Variants in PTPRD observed in about 807,000 individuals in gnomAD.
The protein encoded by PTPRD is receptor-type tyrosine-protein phosphatase delta.
In PTPRD, 34 loss-of-function variants were observed where a neutral mutation model predicts 214.5. That is an observed-to-expected ratio of 0.16 (90% CI 0.12 to 0.21). PTPRD has a LOEUF of 0.21. Among genes scored for constraint, PTPRD ranks in the 10% least tolerant of loss-of-function variants. The probability of loss-of-function intolerance (pLI) is 1.00; values close to 1 mark genes in which losing one functional copy is unlikely to be tolerated. For missense variants in PTPRD, 2,545 were observed against 2,398.7 expected (o/e 1.06, Z -1.27); for synonymous variants, 1,128 against 845.7 (o/e 1.33, Z -5.79).
At chr9:9,205,377 C>T (rs1569562049) in intron 9 of PTPRD, among the ~76,000 whole-genome samples, 1 of 152,118 alleles carries the variant, frequency 6.6e-6, no homozygotes, top group Non-Finnish European at 1.5e-5. Flanking sequence ...ACTTCATATT[C>T]TTGATGAGCA....
In PTPRD at chr9:9,977,414, A is replaced by C. The variant is rs142731736; in HGVS notation, c.-471-38804T>G. 2.8e-3 allele frequency among the ~76,000 whole-genome samples: 434 copies of C among 152,344 alleles called. 1 individual carries two copies. The highest frequency in any genetic ancestry group is 9.4e-3 in the African/African-American group (392 of 41,586). ...TTCTGAAGGAGGAGAGCCTAGATGC[A>C]TGCATGAAGCATAGAGTTTTGTACT... is the stretch of plus-strand genomic sequence containing the variant. On this transcript the variant is annotated intron_variant, in intron 4 of 45. Transcript: ENST00000381196.
chr9:8,419,708 A>G (rs998778620), intron 35 of PTPRD, among the ~76,000 whole-genome samples: 2 of 152,050 alleles, frequency 1.3e-5, no homozygotes, highest in South Asian at 2.1e-4. Flanking sequence ...AAATTATAAA[A>G]CAAAATACTA....
chr9:8,805,982 G>A (rs1206327847), intron 11 of PTPRD, among the ~76,000 whole-genome samples: 2 of 133,458 alleles, frequency 1.5e-5, no homozygotes, highest in East Asian at 2.5e-4. Context: ...GCTACAGAAC[G>A]AGACTCCGTC....
chr9:8,375,322 C>G (rs1284487857), intron 39 of PTPRD, among the ~76,000 whole-genome samples: 1 of 151,904 alleles, frequency 6.6e-6, no homozygotes. Context: ...AAAATACAAA[C>G]TATACATTTC....
intron 2 of PTPRD, among the ~76,000 whole-genome samples, chr9:10,554,982 G>T (rs570434214): frequency 6.6e-6 from 1 of 152,126 alleles, no homozygotes; most frequent in Non-Finnish European, 1.5e-5. Flanking sequence ...AGATCATGAT[G>T]TCTACCATTT....
intron 3 of PTPRD, among the ~76,000 whole-genome samples, chr9:10,302,587 A>G (rs925146501): frequency 6.6e-6 from 1 of 152,226 alleles, no homozygotes; most frequent in African/African-American, 2.4e-5. Flanking sequence ...AAGCAAATAG[A>G]AAGCAAAAAT....
At chr9:9,132,279 G>T (rs1283413675) in intron 10 of PTPRD, among the ~76,000 whole-genome samples, 1 of 152,172 alleles carries the variant, frequency 6.6e-6, no homozygotes, top group Non-Finnish European at 1.5e-5. Flanking sequence ...AAATTGCTGG[G>T]ATTACAGGCG....
chr9:10,511,570 T>TTTTTTTTTC (rs2048038730), intron 2 of PTPRD, among the ~76,000 whole-genome samples: 1 of 30,700 alleles, frequency 3.3e-5, no homozygotes, highest in Non-Finnish European at 9.5e-5. Context: ...CACCCTGGTA[T>TTTTTTTTTC]TTTTTTTTTT....
intron 11 of PTPRD, among the ~76,000 whole-genome samples, chr9:8,876,662 G>T (rs1449264513): frequency 6.6e-6 from 1 of 152,128 alleles, no homozygotes; most frequent in Non-Finnish European, 1.5e-5. Flanking sequence ...TTAAATCTAG[G>T]AAATTTAATT....
chr9:10,184,715 T>C (rs2099320802), intron 3 of PTPRD, among the ~76,000 whole-genome samples: 1 of 152,200 alleles, frequency 6.6e-6, no homozygotes, highest in Admixed American at 6.5e-5. Flanking sequence ...CTTCTTCTGG[T>C]TTATAAAATA....
chr9:8,690,782 T>C (rs59461546), intron 12 of PTPRD, among the ~76,000 whole-genome samples: 40,712 of 151,954 alleles, frequency 0.27, 6,091 homozygotes, highest in African/African-American at 0.39. Flanking sequence ...AAGAAAACTC[T>C]TTTAGCAACT....
At chr9:8,476,601 A>G (rs891940097) in intron 30 of PTPRD, among the ~76,000 whole-genome samples, 2 of 152,050 alleles carry the variant, frequency 1.3e-5, no homozygotes, top group African/African-American at 2.4e-5. Flanking sequence ...TTTTTTTTAA[A>G]CCTATTACCC....
intron 2 of PTPRD, among the ~76,000 whole-genome samples, chr9:10,345,501 T>G (rs1238239809): frequency 6.7e-6 from 1 of 150,042 alleles, no homozygotes; most frequent in South Asian, 2.1e-4. Flanking sequence ...CACTTATGAG[T>G]GAGAACATGC....
chr9:8,525,217 A>T (rs1270728384), intron 17 of PTPRD, 182 bp from the exon 18 acceptor site: 10 of 621,310 alleles, frequency 1.6e-5, no homozygotes, highest in Non-Finnish European at 2.6e-5. Flanking sequence ...TATAGAGATT[A>T]TTTTTTTTTT....
intron 5 of PTPRD, among the ~76,000 whole-genome samples, chr9:9,895,583 C>G (rs7874066): frequency 0.91 from 137,848 of 152,064 alleles, 62,754 homozygotes; most frequent in East Asian, 1. Flanking sequence ...CCAGAATCCA[C>G]GATGGTTACA....
At chr9:8,575,584 AC>A (rs2092218092) in intron 14 of PTPRD, among the ~76,000 whole-genome samples, 1 of 152,126 alleles carries the variant, frequency 6.6e-6, no homozygotes, top group African/African-American at 2.4e-5. Flanking sequence ...CTCTGCAAAA[AC>A]GTGGCTGCAG....
chr9:9,174,803 A>G (rs1266373719), intron 10 of PTPRD, among the ~76,000 whole-genome samples: 2 of 152,162 alleles, frequency 1.3e-5, no homozygotes, highest in Non-Finnish European at 2.9e-5. Flanking sequence ...GGAACCATTT[A>G]ATGTGCTAAT....
At chr9:9,074,678 TTCA>T (rs2099748476) in intron 10 of PTPRD, among the ~76,000 whole-genome samples, 2 of 152,074 alleles carry the variant, frequency 1.3e-5, no homozygotes, top group African/African-American at 4.8e-5. Context: ...GAAATGTCTA[TTCA>T]GAGCTTTTGC....
intron 9 of PTPRD, among the ~76,000 whole-genome samples, chr9:9,311,517 A>T (rs1245034453): frequency 6.6e-6 from 1 of 152,188 alleles, no homozygotes; most frequent in African/African-American, 2.4e-5. Flanking sequence ...CCTGAATTAC[A>T]TTAACAGGAT....
Sources: gnomAD v4.1 joint callset for allele counts (sites outside exome capture counted in the v4.1 genomes callset) on GRCh38, gnomAD v4.1.1 for gene constraint, MANE v1.5 for transcripts, NCBI Gene and HGNC (gene_info 2026-07-23, HGNC 2026-07-21) for gene names.